The following PDZRN3 variants were observed in gnomAD, a reference collection of about 807,000 sequenced individuals.
PDZRN3 encodes the protein PDZ domain containing ring finger 3.
A neutral mutation model predicts 85.7 loss-of-function variants in PDZRN3; 38 were observed. The observed-to-expected ratio is 0.44, with a 90% CI of 0.34 to 0.58. The LOEUF is 0.58. Among genes scored for constraint, PDZRN3 ranks in the 20% least tolerant of loss-of-function variants. The probability of loss-of-function intolerance (pLI) is 0.01; values close to 1 mark genes in which losing one functional copy is unlikely to be tolerated. For missense variants in PDZRN3, 1,629 were observed against 1,506.4 expected, an observed-to-expected ratio of 1.08 and a Z score of -1.35; for synonymous variants, 759 against 638.0, an observed-to-expected ratio of 1.19 and a Z score of -2.86.
intron 3 of PDZRN3, chr3:73,569,429 A>G: frequency 5.2e-6 from 6 of 1,143,610 alleles, no homozygotes; most frequent in Non-Finnish European, 6.5e-6. Context: ...TGTCTCTTCC[A>G]TGTCACGTTC....
intron 3 of PDZRN3, among the ~76,000 whole-genome samples, chr3:73,472,112 A>G (rs928057747): frequency 2.6e-5 from 4 of 152,222 alleles, no homozygotes; most frequent in Non-Finnish European, 5.9e-5. Context: ...GGTGTTAGCA[A>G]AGCAATGCAG....
intron 3 of PDZRN3, among the ~76,000 whole-genome samples, chr3:73,544,442 T>G (rs189460034): frequency 6.6e-6 from 1 of 152,300 alleles, no homozygotes; most frequent in East Asian, 1.9e-4. Context: ...CCCAGTTTTA[T>G]GGAGGTATAA....
At chr3:73,434,032 G>A in intron 3 of PDZRN3, 15 of 890,124 alleles carry the variant, frequency 1.7e-5, no homozygotes, top group Non-Finnish European at 2.0e-5. Context: ...ATATACTGCT[G>A]CTCATGCATA....
At chr3:73,524,343 C>G (rs1238745978) in intron 3 of PDZRN3, among the ~76,000 whole-genome samples, 1 of 152,166 alleles carries the variant, frequency 6.6e-6, no homozygotes, top group African/African-American at 2.4e-5. Context: ...TTTAAAAAAG[C>G]TTAAAAACCA....
intron 1 of PDZRN3, among the ~76,000 whole-genome samples, chr3:73,616,289 G>C (rs966547530): frequency 1.3e-5 from 2 of 150,908 alleles, no homozygotes; most frequent in Non-Finnish European, 2.9e-5. Context: ...CCCAGCCTCA[G>C]GTATTTCTTC....
Position 73,416,893 on chromosome 3 carries a change from T to TGG in PDZRN3, c.919-12499_919-12498insCC, listed in dbSNP as rs1559667750. Among the ~76,000 whole-genome samples, 249 of 142,470 alleles carry TGG rather than the reference T, an allele frequency of 1.7e-3. 1 individual carries two copies. Among genetic ancestry groups the TGG allele is most frequent in the African/African-American group, 6.4e-3 (242 of 37,638 alleles). 93.5% of individuals were successfully genotyped at this position (142,470 alleles called of 152,430 possible). A position where few individuals can be genotyped will look rare whatever the true frequency, so the allele number is the denominator to read the frequency against. ...TTTTTTTGGTTTTTTTTTTTTTTTT[T>TGG]TTTTTTTTTTTTTTTTGAGACAGAG... On this transcript the variant is annotated intron_variant, in intron 3 of 9. Coordinates refer to ENST00000263666, the MANE Select transcript of PDZRN3 (RefSeq NM_015009.3).
At chr3:73,404,928 T>C (rs1490014423) in intron 3 of PDZRN3, among the ~76,000 whole-genome samples, 1 of 152,192 alleles carries the variant, frequency 6.6e-6, no homozygotes, top group African/African-American at 2.4e-5. Flanking sequence ...CAAGTTATTA[T>C]GGAGAAGGAA....
intron 3 of PDZRN3, among the ~76,000 whole-genome samples, chr3:73,548,066 C>G (rs1003977904): frequency 6.6e-6 from 1 of 152,094 alleles, no homozygotes; most frequent in African/African-American, 2.4e-5. Context: ...TAAGTCTGGG[C>G]TCTGTGAAAA....
intron 3 of PDZRN3, among the ~76,000 whole-genome samples, chr3:73,440,869 C>T (rs1239393402): frequency 6.6e-6 from 1 of 152,162 alleles, no homozygotes; most frequent in Non-Finnish European, 1.5e-5. Flanking sequence ...AACAGTCGGG[C>T]AGTCCTCCGA....
In PDZRN3 at chr3:73,383,947, G is replaced by C. The variant is rs751807250; in HGVS notation, c.2619C>G (p.Ile873Met). 6.2e-7 allele frequency: 1 copy of C among 1,603,882 alleles called. No individual in the cohort carries two copies. The highest frequency in any genetic ancestry group is 1.7e-5 in the Admixed American group (1 of 59,554). ...TCTGGTAGTGCTGGGCGTGCGCCGG[G>C]ATGTGCGCGTGCTTGTATGGGGAGT... is the stretch of plus-strand genomic sequence containing the variant. ...YHHSPYKHAH[I>M]PAHAQHYQSY... Residue 873 changes from isoleucine (I) to methionine (M), a missense_variant, in exon 10 of 10, where the codon ATC (isoleucine) becomes ATG (methionine). Ile to Met is a conservative substitution (Grantham distance 10). Coordinates refer to ENST00000263666, the MANE Select transcript of PDZRN3 (RefSeq NM_015009.3).
intron 3 of PDZRN3, among the ~76,000 whole-genome samples, chr3:73,559,745 G>A (rs961679883): frequency 3.3e-5 from 5 of 152,240 alleles, no homozygotes; most frequent in Admixed American, 6.5e-5. Flanking sequence ...AACATGGATA[G>A]TAGAAGGATG....
intron 3 of PDZRN3, among the ~76,000 whole-genome samples, chr3:73,502,591 C>T (rs1024030281): frequency 6.6e-6 from 1 of 152,186 alleles, no homozygotes; most frequent in Non-Finnish European, 1.5e-5. Flanking sequence ...CATAAGGCTG[C>T]GTGGTCAGAA....
chr3:73,408,381 T>C (rs1279337936), intron 3 of PDZRN3: 1 of 599,814 alleles, frequency 1.7e-6, no homozygotes, highest in African/African-American at 1.9e-5. Context: ...CTCGTGGGGA[T>C]CCTGTAGTAG....
chr3:73,574,338 G>A (rs1381285414), intron 3 of PDZRN3, among the ~76,000 whole-genome samples: 1 of 152,046 alleles, frequency 6.6e-6, no homozygotes, highest in Admixed American at 6.6e-5. Context: ...ATGGTAATTA[G>A]GCAGAGTGAG....
rs1313917364 is a variant in PDZRN3, at chr3:73,384,943, A to G, written c.1636-13T>C. ...CGTCGTGCTTCTTCTGCATAAACACAAGAACAAAGGGTCACAGTGAGGGAG... is the reference window on the plus strand; with the variant it reads ...CGTCGTGCTTCTTCTGCATAAACACGAGAACAAAGGGTCACAGTGAGGGAG... On this transcript the variant is annotated splice_polypyrimidine_tract_variant and intron_variant, in intron 9 of 9. Transcript: ENST00000263666. 3 of 1,579,862 alleles carry G rather than the reference A, an allele frequency of 1.9e-6. No homozygotes were observed. The highest frequency in any genetic ancestry group is 1.2e-5 in the South Asian group (1 of 84,542).
Position 73,385,781 on chromosome 3 carries a change from T to A in PDZRN3, c.1523A>T (p.Asp508Val), listed in dbSNP as rs1236446152. The change falls in exon 9 of 10, where the codon GAT becomes GTT. Residue 508 changes from aspartate to valine, a missense_variant. Transcript: ENST00000263666. ...LLIARPELQL[D>V]EGWMDDDRND... is the part of the protein sequence containing the mutation. Reference sequence around the variant, plus strand: ...CCTGTCATCATCCATCCAGCCCTCATCCAGCTGCAGGCAAGAGCAGCCAAC... The same window carrying A: ...CCTGTCATCATCCATCCAGCCCTCAACCAGCTGCAGGCAAGAGCAGCCAAC... 1.9e-6 allele frequency: 3 copies of A among 1,600,550 alleles called. No individual in the cohort carries two copies. Among genetic ancestry groups the A allele is most frequent in the African/African-American group, 2.7e-5 (2 of 74,662 alleles).
intron 3 of PDZRN3, among the ~76,000 whole-genome samples, chr3:73,427,622 C>T (rs908750765): frequency 3.9e-5 from 6 of 152,212 alleles, no homozygotes; most frequent in African/African-American, 7.2e-5. Flanking sequence ...TACCATCTGC[C>T]TCATGGCAAC....
chr3:73,452,024 A>G (rs2324088), intron 3 of PDZRN3, among the ~76,000 whole-genome samples: 116,588 of 152,140 alleles, frequency 0.77, 45,125 homozygotes, highest in East Asian at 0.91. Context: ...TAATGTGGGT[A>G]AGCAATAACC....
intron 3 of PDZRN3, among the ~76,000 whole-genome samples, chr3:73,503,947 C>T (rs1286814986): frequency 6.6e-6 from 1 of 152,198 alleles, no homozygotes; most frequent in Non-Finnish European, 1.5e-5. Context: ...GCATCTGAAA[C>T]GTAACTCAGC....
Sources: gnomAD v4.1 joint callset for allele counts (sites outside exome capture counted in the v4.1 genomes callset) on GRCh38, gnomAD v4.1.1 for gene constraint, MANE v1.5 for transcripts, NCBI Gene and HGNC (gene_info 2026-07-23, HGNC 2026-07-21) for gene names.